The following HIF1AN variants were observed in gnomAD, a reference collection of about 807,000 sequenced individuals.
HIF1AN encodes hypoxia-inducible factor 1-alpha inhibitor.
HIF1AN carries 21 observed loss-of-function variants against 47.7 expected under a neutral mutation model. The ratio of observed to expected loss-of-function variants is 0.44; its 90% confidence interval spans 0.31 to 0.63. The LOEUF is 0.63. Ranked by LOEUF, HIF1AN falls within the 30% of genes least tolerant of loss-of-function variation. The probability of loss-of-function intolerance (pLI) is 0.07; values close to 1 mark genes in which losing one functional copy is unlikely to be tolerated. For missense variants in HIF1AN, 320 were observed against 432.7 expected, an observed-to-expected ratio of 0.74 and a Z score of 2.31; for synonymous variants, 152 against 155.9, an observed-to-expected ratio of 0.98 and a Z score of 0.18.
At chr10:100,540,237 CA>C (rs1843012719) in intron 2 of HIF1AN, among the ~76,000 whole-genome samples, 1 of 151,278 alleles carries the variant, frequency 6.6e-6, no homozygotes, top group African/African-American at 2.4e-5. Context: ...TTCTGTGACC[CA>C]AAAAAGGTTA....
Position 100,559,952 on chromosome 10 carries a change from GTT to G in HIF1AN, c.*11818_*11819del, listed in dbSNP as rs1012099953. The G allele has an allele frequency of 2.6e-5, 4 of 151,886 alleles. No homozygotes were observed. Among genetic ancestry groups the G allele is most frequent in the African/African-American group, 9.7e-5 (4 of 41,298 alleles). The allele number at this position is 151,886 out of a possible 1,614,324, so 9.4% of individuals were successfully genotyped here. A position where few individuals can be genotyped will look rare whatever the true frequency, so the allele number is the denominator to read the frequency against. ...GTTTGGCCAATACAAGTTTTTGAAA[GTT>G]TTAAAAAATTGACAACATTAAAGAT... is the stretch of plus-strand genomic sequence containing the variant. On this transcript the variant is annotated 3_prime_UTR_variant, in exon 8 of 8. Transcript: ENST00000299163.
In HIF1AN at chr10:100,548,299, G is replaced by C. The variant is rs1843114025; in HGVS notation, c.*162G>C. 1 of 554,120 alleles carries C rather than the reference G, an allele frequency of 1.8e-6. No homozygotes were observed. Among genetic ancestry groups the C allele is most frequent in the African/African-American group, 2.0e-5 (1 of 51,032 alleles). 34.3% of individuals were successfully genotyped at this position (554,120 alleles called of 1,614,324 possible). On this transcript the variant is annotated 3_prime_UTR_variant, in exon 8 of 8. Transcript: ENST00000299163. ...CAGGTGTTTGGAGCGAGGCAGGGCA[G>C]TTGGCACTCCACTCCTATTTGGAGG...
At chr10:100,546,102 C>G (rs1355436574) in intron 5 of HIF1AN, 53 bp downstream of exon 5, 3 of 1,194,726 alleles carry the variant, frequency 2.5e-6, no homozygotes, top group Admixed American at 1.8e-5. Context: ...TTTCCATTCC[C>G]TGGAAAGCCT....
rs1470399243 is a variant in HIF1AN at position 100,551,834 on chromosome 10, A to G, written c.*3697A>G. 6.6e-6 allele frequency: 1 copy of G among 152,238 alleles called. No individual in the cohort carries two copies. The highest frequency in any genetic ancestry group is 1.5e-5 in the Non-Finnish European group (1 of 68,066). 9.4% of individuals were successfully genotyped at this position (152,238 alleles called of 1,614,324 possible). A position where few individuals can be genotyped will look rare whatever the true frequency, so the allele number is the denominator to read the frequency against. On this transcript the variant is annotated 3_prime_UTR_variant, in exon 8 of 8. Transcript: ENST00000299163. ...CCAGAGGTTATAAGGCCACACTTGT[A>G]TATCGTGCACCCTGTGTGGACAAGA...
chr10:100,552,532 A>G lies in HIF1AN; in HGVS notation c.*4395A>G, dbSNP rs930900975. 1 of 152,330 alleles carries G rather than the reference A, an allele frequency of 6.6e-6. No homozygotes were observed. The highest frequency in any genetic ancestry group is 2.4e-5 in the African/African-American group (1 of 41,390). The allele number at this position is 152,330 out of a possible 1,614,324, so 9.4% of individuals were successfully genotyped here. A position where few individuals can be genotyped will look rare whatever the true frequency, so the allele number is the denominator to read the frequency against. On this transcript the variant is annotated 3_prime_UTR_variant, in exon 8 of 8. Coordinates refer to ENST00000299163, the MANE Select transcript of HIF1AN (RefSeq NM_017902.3). ...GCTGCTTGTCTTCCACTGCCTGCAT[A>G]CTTCTCTGATGTCTTCTCAAACTGT...
intron 2 of HIF1AN, 83 bp from the exon 3 acceptor site, chr10:100,540,551 G>C (rs1254532913): frequency 6.7e-7 from 1 of 1,496,394 alleles, no homozygotes; most frequent in Non-Finnish European, 9.1e-7. Context: ...TATGGATTTG[G>C]GCTTGGATTT....
At chr10:100,542,494 C>T (rs538630672) in intron 3 of HIF1AN, among the ~76,000 whole-genome samples, 48 of 152,212 alleles carry the variant, frequency 3.2e-4, no homozygotes, top group African/African-American at 9.6e-4. Flanking sequence ...GCTGGGACTA[C>T]GGGCGCCCGC....
In HIF1AN at chr10:100,557,547, C is replaced by G. The variant is rs1033669183; in HGVS notation, c.*9410C>G. ...CTGCAACCTCCACCTCCTCCAGGTT[C>G]AAGCAATTCTGCCTCAGCCTCCCGA... On this transcript the variant is annotated 3_prime_UTR_variant, in exon 8 of 8. Transcript: ENST00000299163. The G allele has an allele frequency of 6.6e-6, 1 of 152,234 alleles. No individual in the cohort carries two copies. The highest frequency in any genetic ancestry group is 1.5e-5 in the Non-Finnish European group (1 of 68,128). The allele number at this position is 152,234 out of a possible 1,614,324, so 9.4% of individuals were successfully genotyped here.
rs935379657 is a variant in HIF1AN, at chr10:100,556,254, A to G, written c.*8117A>G. ...TTACAAGGATACTATCACCTATGCC[A>G]TCAGTGGGGAATGACCTTCCAAAAA... is the stretch of plus-strand genomic sequence containing the variant. On this transcript the variant is annotated 3_prime_UTR_variant, in exon 8 of 8. Coordinates refer to ENST00000299163, the MANE Select transcript of HIF1AN (RefSeq NM_017902.3). The G allele has an allele frequency of 6.6e-6, 1 of 152,228 alleles. No homozygotes were observed. The highest frequency in any genetic ancestry group is 2.4e-5 in the African/African-American group (1 of 41,456). The allele number at this position is 152,228 out of a possible 1,614,324, so 9.4% of individuals were successfully genotyped here. A position where few individuals can be genotyped will look rare whatever the true frequency, so the allele number is the denominator to read the frequency against.
intron 3 of HIF1AN, among the ~76,000 whole-genome samples, chr10:100,543,728 C>T (rs1441009307): frequency 2.0e-5 from 3 of 152,160 alleles, no homozygotes; most frequent in Non-Finnish European, 2.9e-5. Flanking sequence ...CCCGCCACCA[C>T]GCCCGGCTAA....
At position 100,554,007 on chromosome 10, in the gene HIF1AN, G is replaced by A. The variant is rs954970510; in HGVS notation, c.*5870G>A. 3.3e-5 allele frequency: 5 copies of A among 152,144 alleles called. No homozygotes were observed. Among genetic ancestry groups the A allele is most frequent in the Non-Finnish European group, 7.3e-5 (5 of 68,028 alleles). 9.4% of individuals were successfully genotyped at this position (152,144 alleles called of 1,614,324 possible). A position where few individuals can be genotyped will look rare whatever the true frequency, so the allele number is the denominator to read the frequency against. On this transcript the variant is annotated 3_prime_UTR_variant, in exon 8 of 8. Coordinates refer to ENST00000299163, the MANE Select transcript of HIF1AN (RefSeq NM_017902.3). Reference sequence around the variant, plus strand: ...TCTTTCTCTCTCAAGAAAAGCATAGGGAAAAACGAGAAACACCTTAGATAA... The same window carrying A: ...TCTTTCTCTCTCAAGAAAAGCATAGAGAAAAACGAGAAACACCTTAGATAA...
chr10:100,544,965 G>A lies in HIF1AN; in HGVS notation c.592G>A (p.Ala198Thr), dbSNP rs746561075. The A allele has an allele frequency of 1.2e-6, 2 of 1,614,172 alleles. No individual in the cohort carries two copies. The highest frequency in any genetic ancestry group is 1.7e-6 in the Non-Finnish European group (2 of 1,180,014). The stretch of plus-strand genomic sequence containing the variant: ...TCTTCTTACAGGAAATGTGACACCT[G>A]CTCACTATGATGAGCAGCAGAACTT... Reference protein sequence around the residue: ...LIGMEGNVTPAHYDEQQNFFA... With the variant: ...LIGMEGNVTPTHYDEQQNFFA... Residue 198 changes from alanine (A) to threonine (T), a missense_variant, in exon 4 of 8, where the codon GCT becomes ACT. Around this residue, in one of 2 missense-constraint regions of HIF1AN, gnomAD observed 161 missense variants for 272.8 expected, o/e 0.59. Coordinates refer to ENST00000299163, the MANE Select transcript of HIF1AN (RefSeq NM_017902.3).
rs571278040 is a variant in HIF1AN at position 100,543,582 on chromosome 10, C to T, written c.578-1369C>T. Among the ~76,000 whole-genome samples, 163 of 151,884 alleles carry T rather than the reference C, an allele frequency of 1.1e-3. 1 individual carries two copies. The highest frequency in any genetic ancestry group is 3.6e-3 in the African/African-American group (151 of 41,430). On this transcript the variant is annotated intron_variant, in intron 3 of 7. Transcript: ENST00000299163. ...AGAGCCAGTTCTGGTTTACTTGACTCTTTTTTTTGAGACAGAGTCTCGCTC... is the reference window on the plus strand; with the variant it reads ...AGAGCCAGTTCTGGTTTACTTGACTTTTTTTTTTGAGACAGAGTCTCGCTC...
At chr10:100,543,617 G>A (rs1480427238) in intron 3 of HIF1AN, among the ~76,000 whole-genome samples, 1 of 152,144 alleles carries the variant, frequency 6.6e-6, no homozygotes, top group Non-Finnish European at 1.5e-5. Context: ...CTGTCGCCCA[G>A]ACTGGAGTGC....
intron 2 of HIF1AN, among the ~76,000 whole-genome samples, chr10:100,538,098 G>A (rs1390640139): frequency 6.6e-6 from 1 of 152,242 alleles, no homozygotes; most frequent in East Asian, 1.9e-4. Context: ...CATAAGATAT[G>A]TGAATCTTGT....
At chr10:100,546,450 C>G (rs963842171) in intron 5 of HIF1AN, 68 bp from the exon 6 acceptor site, 49 of 906,378 alleles carry the variant, frequency 5.4e-5, no homozygotes, top group Middle Eastern at 5.6e-4. Context: ...GCCACCCCCC[C>G]GCACTTCGCC....
chr10:100,558,692 C>G lies in HIF1AN; in HGVS notation c.*10555C>G, dbSNP rs1428517792. 1 of 152,206 alleles carries G rather than the reference C, an allele frequency of 6.6e-6. No individual in the cohort carries two copies. The highest frequency in any genetic ancestry group is 1.5e-5 in the Non-Finnish European group (1 of 68,034). The allele number at this position is 152,206 out of a possible 1,614,324, so 9.4% of individuals were successfully genotyped here. On this transcript the variant is annotated 3_prime_UTR_variant, in exon 8 of 8. Transcript: ENST00000299163. ...CATGTGATAGGGCTTTATGAGGCCA[C>G]AAATAGCACTTTCTGGGTCCTTTCA...
intron 1 of HIF1AN, 41 bp downstream of exon 1, chr10:100,536,176 A>G: frequency 1.3e-6 from 2 of 1,549,016 alleles, no homozygotes; most frequent in Non-Finnish European, 1.7e-6. Context: ...GGAGGAAGGT[A>G]CCCGGTTGAG....
chr10:100,540,229 C>G (rs1843012571), intron 2 of HIF1AN, among the ~76,000 whole-genome samples: 1 of 150,602 alleles, frequency 6.6e-6, no homozygotes, highest in Admixed American at 6.6e-5. Context: ...AGGAGTCATT[C>G]TGTGACCCAA....
Sources: gnomAD v4.1 joint callset for allele counts (sites outside exome capture counted in the v4.1 genomes callset) on GRCh38, gnomAD v4.1.1 for gene constraint, gnomAD v4.1.1 regional missense constraint, MANE v1.5 for transcripts, NCBI Gene and HGNC (gene_info 2026-07-23, HGNC 2026-07-21) for gene names.